Variants in CAMK1D observed in about 807,000 individuals in gnomAD.
The protein encoded by CAMK1D is calcium/calmodulin dependent protein kinase ID, also known as calcium/calmodulin-dependent protein kinase type 1D.
In CAMK1D, 9 loss-of-function variants were observed where a neutral mutation model predicts 47.7. That is an observed-to-expected ratio of 0.19 (90% CI 0.11 to 0.33). The LOEUF (loss-of-function observed/expected upper bound fraction) is 0.33, where lower values mean the gene tolerates loss of function less well. Among genes scored for constraint, CAMK1D ranks in the 10% least tolerant of loss-of-function variants. The pLI is 1.00. For synonymous variants in CAMK1D, 184 were observed against 184.9 expected, an observed-to-expected ratio of 0.99 and a Z score of 0.04; for missense variants, 291 against 488.7, an observed-to-expected ratio of 0.60 and a Z score of 3.81.
intron 8 of CAMK1D, among the ~76,000 whole-genome samples, chr10:12,819,979 G>A (rs565347180): frequency 1.5e-4 from 23 of 152,266 alleles, no homozygotes; most frequent in Non-Finnish European, 1.0e-4. Flanking sequence ...TCCAACTTAC[G>A]GGACTCGGGG....
intron 2 of CAMK1D, among the ~76,000 whole-genome samples, chr10:12,585,661 A>G (rs1334083017): frequency 6.6e-6 from 1 of 152,204 alleles, no homozygotes; most frequent in African/African-American, 2.4e-5. Flanking sequence ...ATTAGATCTC[A>G]TGAGTCTGAT....
chr10:12,500,221 G>A (rs570695123), intron 1 of CAMK1D, among the ~76,000 whole-genome samples: 11 of 152,314 alleles, frequency 7.2e-5, no homozygotes, highest in Non-Finnish European at 1.6e-4. Flanking sequence ...AGCTGAGATT[G>A]TGCCACTGTA....
chr10:12,515,415 T>C (rs1190666890), intron 1 of CAMK1D, among the ~76,000 whole-genome samples: 47 of 70,476 alleles, frequency 6.7e-4, no homozygotes, highest in African/African-American at 1.4e-3. Flanking sequence ...TTTTTTTTTT[T>C]TTCTTTTTTT....
chr10:12,814,878 G>A (rs990521287), intron 7 of CAMK1D, among the ~76,000 whole-genome samples: 1 of 152,142 alleles, frequency 6.6e-6, no homozygotes, highest in South Asian at 2.1e-4. Flanking sequence ...CATCTGGCTC[G>A]AGCCACGCTG....
At chr10:12,523,320 G>A (rs577362072) in intron 1 of CAMK1D, among the ~76,000 whole-genome samples, 3 of 151,848 alleles carry the variant, frequency 2.0e-5, no homozygotes, top group African/African-American at 4.8e-5. Flanking sequence ...AGGCAGAGAC[G>A]CTCCTCATTT....
intron 2 of CAMK1D, among the ~76,000 whole-genome samples, chr10:12,572,761 A>G (rs1174981964): frequency 6.6e-6 from 1 of 152,138 alleles, no homozygotes; most frequent in African/African-American, 2.4e-5. Context: ...CCTCTGGAAT[A>G]GCTGGGACTA....
chr10:12,651,044 C>T (rs1280265353), intron 2 of CAMK1D, among the ~76,000 whole-genome samples: 3 of 152,214 alleles, frequency 2.0e-5, no homozygotes, highest in Non-Finnish European at 4.4e-5. Flanking sequence ...TGGAAACAGG[C>T]TTTTGCCGGC....
chr10:12,493,306 C>T (rs921768678), intron 1 of CAMK1D, among the ~76,000 whole-genome samples: 21 of 152,240 alleles, frequency 1.4e-4, no homozygotes, highest in African/African-American at 5.1e-4. Flanking sequence ...GCTCACAGGG[C>T]TCCTGGGGAG....
rs1833394091 is a variant in CAMK1D, at chr10:12,830,205, A to T, written c.*1318A>T. ...TCTCTTTCTCTGTGGTTTTTAAAAAAATGCATTTCTAATCTTACACTTCAC... is the reference window on the plus strand; with the variant it reads ...TCTCTTTCTCTGTGGTTTTTAAAAATATGCATTTCTAATCTTACACTTCAC... On this transcript the variant is annotated 3_prime_UTR_variant, in exon 11 of 11. Transcript: ENST00000619168. The T allele has an allele frequency of 6.6e-6, 1 of 152,232 alleles. No homozygotes were observed. Among genetic ancestry groups the T allele is most frequent in the Non-Finnish European group, 1.5e-5 (1 of 68,030 alleles). The allele number at this position is 152,232 out of a possible 1,614,324, so 9.4% of individuals were successfully genotyped here. A position where few individuals can be genotyped will look rare whatever the true frequency, so the allele number is the denominator to read the frequency against.
chr10:12,825,025 A>G lies in CAMK1D; in HGVS notation c.921+473A>G, dbSNP rs372310045. ...CTCCGTGTTCCAATCAGCAATGGCA[A>G]TTCAGAGCTAGCTATTTTGCCATGA... is the stretch of plus-strand genomic sequence containing the variant. On this transcript the variant is annotated intron_variant, in intron 9 of 10. Transcript: ENST00000619168. 4.1e-4 allele frequency among the ~76,000 whole-genome samples: 62 copies of G among 152,250 alleles called. 1 individual carries two copies. The highest frequency in any genetic ancestry group is 1.4e-3 in the African/African-American group (59 of 41,572).
intron 2 of CAMK1D, among the ~76,000 whole-genome samples, chr10:12,643,395 C>T (rs530666179): frequency 6.6e-6 from 1 of 152,302 alleles, no homozygotes; most frequent in South Asian, 2.1e-4. Flanking sequence ...CTGTTAGGAG[C>T]AGGGCTGCAC....
intron 1 of CAMK1D, among the ~76,000 whole-genome samples, chr10:12,413,186 G>A (rs1049229724): frequency 6.6e-6 from 1 of 152,176 alleles, no homozygotes; most frequent in Non-Finnish European, 1.5e-5. Flanking sequence ...AGCCTCAGAA[G>A]CTTACAGTCA....
At chr10:12,706,109 A>T (rs532345072) in intron 3 of CAMK1D, among the ~76,000 whole-genome samples, 1 of 152,208 alleles carries the variant, frequency 6.6e-6, no homozygotes, top group Admixed American at 6.5e-5. Flanking sequence ...TTTTAATCCA[A>T]TAACTGAGAT....
intron 2 of CAMK1D, among the ~76,000 whole-genome samples, chr10:12,555,824 GT>G (rs1836742750): frequency 6.6e-6 from 1 of 152,206 alleles, no homozygotes; most frequent in Admixed American, 6.5e-5. Flanking sequence ...AGGGGAGGAA[GT>G]CAGTTTCATT....
At chr10:12,492,477 G>T (rs1393396250) in intron 1 of CAMK1D, among the ~76,000 whole-genome samples, 1 of 151,952 alleles carries the variant, frequency 6.6e-6, no homozygotes, top group Non-Finnish European at 1.5e-5. Context: ...GGGCAATATA[G>T]TGAGACCCTG....
At chr10:12,368,210 A>AAT (rs59594820) in intron 1 of CAMK1D, among the ~76,000 whole-genome samples, 13,504 of 150,402 alleles carry the variant, frequency 0.09, 826 homozygotes, top group East Asian at 0.24. Flanking sequence ...AAAAAAAAAA[A>AAT]AAAATAAAAT....
intron 1 of CAMK1D, among the ~76,000 whole-genome samples, chr10:12,413,971 C>A (rs111569238): frequency 6.6e-6 from 1 of 152,068 alleles, no homozygotes; most frequent in African/African-American, 2.4e-5. Flanking sequence ...TGTTTTCTAA[C>A]GATGAGATAT....
chr10:12,540,206 A>G (rs1004418791), intron 1 of CAMK1D, among the ~76,000 whole-genome samples: 1 of 151,736 alleles, frequency 6.6e-6, no homozygotes, highest in Non-Finnish European at 1.5e-5. Flanking sequence ...TTGGGATTAC[A>G]GGCGTGAGCC....
chr10:12,641,136 T>C (rs1040976820), intron 2 of CAMK1D, among the ~76,000 whole-genome samples: 1 of 152,028 alleles, frequency 6.6e-6, no homozygotes, highest in Non-Finnish European at 1.5e-5. Context: ...GCCCTGCTAA[T>C]TTTTGTGTCT....
Sources: gnomAD v4.1 joint callset for allele counts (sites outside exome capture counted in the v4.1 genomes callset) on GRCh38, gnomAD v4.1.1 for gene constraint, MANE v1.5 for transcripts, NCBI Gene and HGNC (gene_info 2026-07-23, HGNC 2026-07-21) for gene names.